Variants in CNTLN observed in about 807,000 individuals in gnomAD.
CNTLN encodes the protein centlein, centrosomal protein.
A neutral mutation model predicts 180.0 loss-of-function variants in CNTLN; 212 were observed. The observed-to-expected ratio is 1.18, with a 90% CI of 1.05 to 1.32. The LOEUF (loss-of-function observed/expected upper bound fraction) is 1.32, where lower values mean the gene tolerates loss of function less well. Ranked by LOEUF, CNTLN falls within the 40% of genes most tolerant of loss-of-function variation. The pLI is 0.00. For missense variants in CNTLN, 2,095 were observed against 1,610.9 expected (o/e 1.30, Z -5.14); for synonymous variants, 722 against 563.1 (o/e 1.28, Z -3.99).
chr9:17,184,456 A>G (rs1821311003), intron 2 of CNTLN, among the ~76,000 whole-genome samples: 1 of 152,194 alleles, frequency 6.6e-6, no homozygotes, highest in South Asian at 2.1e-4. Context: ...TATGCATAAG[A>G]TGTTACTTTT....
At chr9:17,304,077 C>T (rs1485689377) in intron 7 of CNTLN, among the ~76,000 whole-genome samples, 1 of 151,956 alleles carries the variant, frequency 6.6e-6, no homozygotes, top group Non-Finnish European at 1.5e-5. Flanking sequence ...GTTTAATTAT[C>T]TGAAAAGATG....
At chr9:17,205,931 C>G (rs1490445676) in intron 2 of CNTLN, among the ~76,000 whole-genome samples, 1 of 152,122 alleles carries the variant, frequency 6.6e-6, no homozygotes, top group Non-Finnish European at 1.5e-5. Context: ...ACAACATGTT[C>G]AAGCCTTGCA....
rs73420240 is a variant in CNTLN, at chr9:17,307,762, A to C, written c.1147-1296A>C. On this transcript the variant is annotated intron_variant, in intron 7 of 25. Coordinates refer to ENST00000380647, the MANE Select transcript of CNTLN (RefSeq NM_017738.4). Reference sequence around the variant, plus strand: ...GGTAAACATGCATACAGAAATGTACACAAATCCTAGGTTTCTAGATGAACT... The same window carrying C: ...GGTAAACATGCATACAGAAATGTACCCAAATCCTAGGTTTCTAGATGAACT... Among the ~76,000 whole-genome samples, 1,195 of 152,192 alleles carry C rather than the reference A, an allele frequency of 7.9e-3. 15 individuals are homozygous for C. The highest frequency in any genetic ancestry group is 0.027 in the African/African-American group (1,133 of 41,508).
intron 3 of CNTLN, among the ~76,000 whole-genome samples, chr9:17,227,591 C>T (rs1824550743): frequency 6.6e-6 from 1 of 151,888 alleles, no homozygotes; most frequent in South Asian, 2.1e-4. Flanking sequence ...ATTTTCCTTT[C>T]TAACCAATTA....
At chr9:17,267,936 G>A (rs1190884619) in intron 5 of CNTLN, among the ~76,000 whole-genome samples, 4 of 151,926 alleles carry the variant, frequency 2.6e-5, no homozygotes, top group Non-Finnish European at 4.4e-5. Flanking sequence ...TTATCCATTC[G>A]TCTAATTTTT....
chr9:17,173,891 A>G (rs1018069037), intron 2 of CNTLN, among the ~76,000 whole-genome samples: 3 of 152,044 alleles, frequency 2.0e-5, no homozygotes, highest in Non-Finnish European at 4.4e-5. Context: ...AAACTATAGT[A>G]CAGTATGAAG....
intron 8 of CNTLN, among the ~76,000 whole-genome samples, chr9:17,318,098 G>A (rs1403659742): frequency 1.3e-5 from 2 of 150,300 alleles, no homozygotes; most frequent in Non-Finnish European, 2.9e-5. Flanking sequence ...CATAATCTCA[G>A]CTCACTGCAA....
At chr9:17,507,814 C>G (rs1833959459), downstream of CNTLN, among the ~76,000 whole-genome samples, 1 of 152,154 alleles carries the variant, frequency 6.6e-6, no homozygotes. Flanking sequence ...ATAGTCCAAT[C>G]CTCAGTTTCC....
intron 13 of CNTLN, among the ~76,000 whole-genome samples, chr9:17,379,382 T>G (rs186924528): frequency 9.3e-4 from 141 of 152,246 alleles, no homozygotes; most frequent in African/African-American, 3.2e-3. Context: ...TGAGTAGATC[T>G]CTCCTCTATG....
chr9:17,431,072 A>G (rs1330868988), intron 18 of CNTLN, among the ~76,000 whole-genome samples: 1 of 152,064 alleles, frequency 6.6e-6, no homozygotes, highest in Non-Finnish European at 1.5e-5. Flanking sequence ...TACCCCAGTA[A>G]TGGGATTCTT....
intron 14 of CNTLN, among the ~76,000 whole-genome samples, chr9:17,388,824 TA>T (rs5896741): frequency 0.82 from 123,796 of 151,554 alleles, 51,054 homozygotes; most frequent in Non-Finnish European, 0.87. Flanking sequence ...TCATTAATAG[TA>T]AAATACTGTT....
chr9:17,267,872 TGGTTTTCAGCTCCATCA>T (rs1457728453), intron 5 of CNTLN, among the ~76,000 whole-genome samples: 1 of 152,220 alleles, frequency 6.6e-6, no homozygotes, highest in African/African-American at 2.4e-5. Flanking sequence ...TCTTGTGCCT[TGGTTTTCAGCTCCATCA>T]GGTTCTTTAA....
At chr9:17,526,030 G>A in the CNTLN span, among the ~76,000 whole-genome samples, 1 of 152,196 alleles carries the variant, frequency 6.6e-6, no homozygotes, top group East Asian at 1.9e-4. Flanking sequence ...CCGCCTCCCG[G>A]GTTCACGCCA....
chr9:17,237,767 G>T (rs1428035271), intron 5 of CNTLN, among the ~76,000 whole-genome samples: 1 of 151,886 alleles, frequency 6.6e-6, no homozygotes, highest in Non-Finnish European at 1.5e-5. Context: ...GTATATGCAT[G>T]TGTGCAAGAA....
chr9:17,493,183 T>C (rs1223954276), intron 25 of CNTLN, among the ~76,000 whole-genome samples: 2 of 152,124 alleles, frequency 1.3e-5, no homozygotes, highest in African/African-American at 4.8e-5. Flanking sequence ...TGAATGTAAT[T>C]AATGCCACTG....
At chr9:17,247,213 C>T (rs1413439282) in intron 5 of CNTLN, among the ~76,000 whole-genome samples, 2 of 152,090 alleles carry the variant, frequency 1.3e-5, no homozygotes, top group Non-Finnish European at 2.9e-5. Context: ...CTGGGAATTG[C>T]AATCCTTGTG....
At chr9:17,322,340 A>T (rs1819972363) in intron 8 of CNTLN, among the ~76,000 whole-genome samples, 1 of 152,034 alleles carries the variant, frequency 6.6e-6, no homozygotes. Context: ...CTTTTTTTCT[A>T]AAGGCCATTG....
intron 2 of CNTLN, among the ~76,000 whole-genome samples, chr9:17,201,009 A>G (rs1054949293): frequency 2.0e-5 from 3 of 152,214 alleles, no homozygotes; most frequent in African/African-American, 7.2e-5. Flanking sequence ...ACGTTCCATC[A>G]ATACCTAGTT....
chr9:17,371,572 A>G (rs1333111674), intron 13 of CNTLN, among the ~76,000 whole-genome samples: 1 of 152,166 alleles, frequency 6.6e-6, no homozygotes, highest in Non-Finnish European at 1.5e-5. Flanking sequence ...CAGACAGAAA[A>G]TCAACAAAGA....
Sources: allele counts gnomAD v4.1 joint callset (sites outside exome capture counted in the v4.1 genomes callset), GRCh38; gene constraint gnomAD v4.1.1; transcripts MANE v1.5; gene names NCBI Gene and HGNC (gene_info 2026-07-23, HGNC 2026-07-21).